ANK3: variants seen among roughly 807,000 people sequenced by gnomAD.
ANK3 encodes the protein ankyrin-3.
In ANK3, 57 loss-of-function variants were observed where a neutral mutation model predicts 370.9. The ratio of observed to expected loss-of-function variants is 0.15; its 90% CI spans 0.12 to 0.19. The LOEUF (loss-of-function observed/expected upper bound fraction) is 0.19. Ranked by LOEUF, ANK3 falls within the 10% of genes least tolerant of loss-of-function variation. The probability of loss-of-function intolerance (pLI) is 1.00; values close to 1 mark genes in which losing one functional copy is unlikely to be tolerated. For missense variants in ANK3, 4,439 were observed against 5,302.1 expected (o/e 0.84, Z 5.06); for synonymous variants, 1,929 against 1,946.3 (o/e 0.99, Z 0.23).
In ANK3 at chr10:60,265,159, T is replaced by C. The variant is rs1355747951; in HGVS notation, c.514-1139A>G. On this transcript the variant is annotated intron_variant, in intron 5 of 43. Transcript: ENST00000280772. ...AATTTTGATATGTACAATACATTAT[T>C]ACTAACTCTGTTAATCAAGTTGTGC... Among the ~76,000 whole-genome samples the C allele has an allele frequency of 2.6e-5, 4 of 152,174 alleles. No homozygotes were observed. In the East Asian group the frequency reaches 7.7e-4, roughly 29 times the overall value.
At chr10:60,470,659 C>T (rs987588448) in intron 2 of ANK3, among the ~76,000 whole-genome samples, 2 of 151,986 alleles carry the variant, frequency 1.3e-5, no homozygotes, top group Admixed American at 1.3e-4. Flanking sequence ...ACTTTGGTAA[C>T]AATACCCAAA....
intron 21 of ANK3, among the ~76,000 whole-genome samples, chr10:60,168,076 A>T (rs2095671791): frequency 6.6e-6 from 1 of 152,200 alleles, no homozygotes; most frequent in Non-Finnish European, 1.5e-5. Flanking sequence ...CCCAGGCTGG[A>T]GTGCAGTGGC....
intron 2 of ANK3, among the ~76,000 whole-genome samples, chr10:60,408,757 C>T (rs750402459): frequency 1.3e-5 from 2 of 152,130 alleles, no homozygotes; most frequent in African/African-American, 2.4e-5. Context: ...ACACAGAAAA[C>T]GCTTCCGTCA....
intron 8 of ANK3, among the ~76,000 whole-genome samples, chr10:60,226,488 T>A (rs1221489973): frequency 1.1e-5 from 1 of 89,586 alleles, no homozygotes; most frequent in African/African-American, 7.3e-5. Context: ...ACTATATATA[T>A]ACATATACTA....
chr10:60,613,111 T>A (rs1211987734), intron 2 of ANK3, among the ~76,000 whole-genome samples: 1 of 152,196 alleles, frequency 6.6e-6, no homozygotes, highest in East Asian at 1.9e-4. Flanking sequence ...ACAGCCTATA[T>A]TTTTGTTCTT....
intron 2 of ANK3, among the ~76,000 whole-genome samples, chr10:60,585,818 G>A (rs150460028): frequency 1.3e-5 from 2 of 152,248 alleles, no homozygotes; most frequent in Admixed American, 6.5e-5. Flanking sequence ...GAGGTCAGGA[G>A]TTCAATACCA....
chr10:60,704,554 G>A (rs912069649), intron 1 of ANK3, among the ~76,000 whole-genome samples: 1 of 152,126 alleles, frequency 6.6e-6, no homozygotes, highest in African/African-American at 2.4e-5. Flanking sequence ...AAAAGCAATA[G>A]ATAATGGGGG....
intron 2 of ANK3, chr10:60,507,714 A>G (rs1302033689): frequency 2.0e-5 from 3 of 152,012 alleles, no homozygotes; most frequent in Non-Finnish European, 4.4e-5. Flanking sequence ...AATTTTACCA[A>G]AAAAAGCAAA....
At chr10:60,140,234 C>T in intron 23 of ANK3, 1 of 1,093,242 alleles carries the variant, frequency 9.1e-7, no homozygotes, top group Non-Finnish European at 1.4e-6. Flanking sequence ...CAACTTTCTA[C>T]TGCTGCTACC....
At chr10:60,267,925 T>G (rs35305500) in intron 5 of ANK3, among the ~76,000 whole-genome samples, 16,229 of 152,230 alleles carry the variant, frequency 0.11, 1,133 homozygotes, top group Non-Finnish European at 0.16. Context: ...TAGGACACAA[T>G]GTGTGTATCG....
At chr10:60,705,749 A>C (rs892301115) in intron 1 of ANK3, among the ~76,000 whole-genome samples, 2 of 151,708 alleles carry the variant, frequency 1.3e-5, no homozygotes, top group Non-Finnish European at 2.9e-5. Flanking sequence ...GCTATTATGA[A>C]CCACAGTGAT....
rs72807936 is a variant in ANK3, at chr10:60,492,051, T to C, written c.96+123135A>G. ...GAAGATTTTCCATTGCACTAATACC[T>C]ACCATTGTGTTATTATCTTCTTACA... On this transcript the variant is annotated intron_variant, in intron 2 of 43. Transcript: ENST00000373827. Among the ~76,000 whole-genome samples the C allele has an allele frequency of 5.5e-3, 839 of 152,300 alleles. 4 individuals are homozygous for C. Among genetic ancestry groups the C allele is most frequent in the South Asian group, 0.012 (58 of 4,828 alleles).
chr10:60,596,839 A>G (rs560846971), intron 2 of ANK3, among the ~76,000 whole-genome samples: 2 of 152,254 alleles, frequency 1.3e-5, no homozygotes, highest in South Asian at 4.1e-4. Context: ...AGTGCCCCCA[A>G]ATAAGAAAAC....
chr10:60,498,241 A>G (rs1215574402), intron 2 of ANK3, among the ~76,000 whole-genome samples: 1 of 152,216 alleles, frequency 6.6e-6, no homozygotes, highest in East Asian at 1.9e-4. Context: ...TCATAAGAAA[A>G]CAAAACAAAA....
At position 60,449,461 on chromosome 10, in the gene ANK3, T is replaced by C. The variant is rs146611005; in HGVS notation, c.96+165725A>G. On this transcript the variant is annotated intron_variant, in intron 2 of 43. Coordinates refer to the ANK3 transcript ENST00000373827. ...CCATACGTAGCCAGTGGCTACTCAG[T>C]TGGATGGCAGAGGTCAGTCTGGGAT... 3.6e-3 allele frequency among the ~76,000 whole-genome samples: 553 copies of C among 152,246 alleles called. 2 individuals are homozygous for C. The highest frequency in any genetic ancestry group is 0.012 in the African/African-American group (517 of 41,554).
chr10:60,041,165 A>G (rs922873041), intron 43 of ANK3, among the ~76,000 whole-genome samples: 3 of 152,204 alleles, frequency 2.0e-5, no homozygotes, highest in Non-Finnish European at 2.9e-5. Flanking sequence ...TTCATCCACC[A>G]GTGCCCCTTC....
At chr10:60,347,718 T>C (rs1293422798) in intron 1 of ANK3, among the ~76,000 whole-genome samples, 2 of 152,310 alleles carry the variant, frequency 1.3e-5, no homozygotes, top group African/African-American at 4.8e-5. Context: ...TTCGTAATGA[T>C]ATAAAGAGGT....
intron 1 of ANK3, among the ~76,000 whole-genome samples, chr10:60,719,134 C>T (rs146375757): frequency 9.9e-5 from 15 of 152,188 alleles, no homozygotes; most frequent in African/African-American, 3.4e-4. Context: ...TTATGCAATA[C>T]TCACTGCTTG....
chr10:60,713,857 C>T (rs371046297), intron 1 of ANK3, among the ~76,000 whole-genome samples: 6 of 151,488 alleles, frequency 4.0e-5, no homozygotes, highest in African/African-American at 1.5e-4. Flanking sequence ...CAGAGTGAGA[C>T]TCCGTCTCAA....
Sources: gnomAD v4.1 joint callset for allele counts (sites outside exome capture counted in the v4.1 genomes callset) on GRCh38, gnomAD v4.1.1 for gene constraint, MANE v1.5 for transcripts, NCBI Gene and HGNC (gene_info 2026-07-23, HGNC 2026-07-21) for gene names.